The following MAPRE2 variants were observed in gnomAD, a reference collection of about 807,000 sequenced individuals.
MAPRE2 encodes the protein microtubule associated protein RP/EB family member 2, also known as microtubule-associated protein RP/EB family member 2.
A neutral mutation model predicts 43.2 loss-of-function variants in MAPRE2; 13 were observed. That is an observed-to-expected ratio of 0.30 (90% CI 0.20 to 0.48). The LOEUF is 0.48. Among genes scored for constraint, MAPRE2 ranks in the 20% least tolerant of loss-of-function variants. MAPRE2 has a pLI of 0.99. For missense variants in MAPRE2, 161 were observed against 400.2 expected, an observed-to-expected ratio of 0.40 and a Z score of 5.10; for synonymous variants, 135 against 148.8, an observed-to-expected ratio of 0.91 and a Z score of 0.68.
chr18:35,004,910 T>A (rs2097031082), intron 1 of MAPRE2, among the ~76,000 whole-genome samples: 1 of 144,792 alleles, frequency 6.9e-6, no homozygotes, highest in Admixed American at 7.0e-5. Context: ...AGAGCGAGAC[T>A]CCATCTCCAA....
At chr18:35,118,324 G>A (rs943951017) in intron 4 of MAPRE2, among the ~76,000 whole-genome samples, 48 of 152,058 alleles carry the variant, frequency 3.2e-4, no homozygotes, top group Non-Finnish European at 6.6e-4. Flanking sequence ...GAGGGAAACC[G>A]GCTGACTCAG....
At chr18:34,990,312 C>A (rs982304462) in intron 1 of MAPRE2, among the ~76,000 whole-genome samples, 1 of 152,068 alleles carries the variant, frequency 6.6e-6, no homozygotes, top group African/African-American at 2.4e-5. Context: ...AATACTAATA[C>A]CTCTGGGAGG....
At chr18:35,051,599 A>C (rs1318868556) in intron 1 of MAPRE2, among the ~76,000 whole-genome samples, 1 of 152,168 alleles carries the variant, frequency 6.6e-6, no homozygotes, top group Non-Finnish European at 1.5e-5. Context: ...CTCCTTTCCT[A>C]ACCTCCAGGA....
intron 4 of MAPRE2, among the ~76,000 whole-genome samples, chr18:35,102,772 A>G (rs1245667781): frequency 6.6e-6 from 1 of 152,216 alleles, no homozygotes; most frequent in Non-Finnish European, 1.5e-5. Context: ...AAAATATATT[A>G]TAAACATCCT....
intron 4 of MAPRE2, among the ~76,000 whole-genome samples, chr18:35,116,203 T>G (rs1909403504): frequency 6.6e-6 from 1 of 152,146 alleles, no homozygotes; most frequent in Non-Finnish European, 1.5e-5. Flanking sequence ...AATGTATAAG[T>G]AGATGTTAGC....
intron 1 of MAPRE2, among the ~76,000 whole-genome samples, chr18:34,994,572 C>A (rs1222233409): frequency 6.6e-6 from 1 of 152,056 alleles, no homozygotes; most frequent in Non-Finnish European, 1.5e-5. Context: ...GAGGCCGCAT[C>A]CACATGATCC....
chr18:35,043,343 G>A (rs1242549757), intron 1 of MAPRE2, among the ~76,000 whole-genome samples: 1 of 152,178 alleles, frequency 6.6e-6, no homozygotes, highest in Non-Finnish European at 1.5e-5. Context: ...TGTGTAGGTA[G>A]CAGTTGCTTT....
chr18:34,984,791 A>ATATAT (rs371707266), intron 1 of MAPRE2, among the ~76,000 whole-genome samples: 97,906 of 109,166 alleles, frequency 0.9, 44,346 homozygotes, highest in East Asian at 0.98. Flanking sequence ...ATATATAGTT[A>ATATAT]TATATTATAT....
intron 1 of MAPRE2, among the ~76,000 whole-genome samples, chr18:35,054,928 A>G (rs2150608340): frequency 6.6e-6 from 1 of 152,306 alleles, no homozygotes; most frequent in East Asian, 1.9e-4. Context: ...TGAACCAAAG[A>G]GGGGAAATGA....
chr18:35,079,226 C>T (rs1907517114), intron 2 of MAPRE2, among the ~76,000 whole-genome samples: 1 of 152,198 alleles, frequency 6.6e-6, no homozygotes, highest in African/African-American at 2.4e-5. Flanking sequence ...GAGAGAACTA[C>T]ACATCCTTAT....
intron 1 of MAPRE2, among the ~76,000 whole-genome samples, chr18:35,042,388 T>G (rs191544080): frequency 2.0e-3 from 301 of 152,318 alleles, no homozygotes; most frequent in Non-Finnish European, 3.6e-3. Context: ...TCCTGGTCTT[T>G]TGCTGAGGTC....
intron 1 of MAPRE2, among the ~76,000 whole-genome samples, chr18:35,062,994 T>A (rs984792167): frequency 6.6e-6 from 1 of 152,180 alleles, no homozygotes; most frequent in African/African-American, 2.4e-5. Flanking sequence ...GAGATTGTTA[T>A]GAGAGAAAAG....
chr18:35,035,519 A>T (rs966839018), intron 2 of MAPRE2, among the ~76,000 whole-genome samples: 6 of 151,516 alleles, frequency 4.0e-5, no homozygotes, highest in African/African-American at 1.2e-4. Context: ...TAATAAAAAT[A>T]AAAAAAAATT....
chr18:35,073,352 C>G (rs1907201191), intron 2 of MAPRE2, among the ~76,000 whole-genome samples: 1 of 152,088 alleles, frequency 6.6e-6, no homozygotes, highest in Non-Finnish European at 1.5e-5. Flanking sequence ...TTTAAGGCAG[C>G]TAGGACAGTG....
chr18:35,000,930 C>T (rs775291451), intron 1 of MAPRE2, among the ~76,000 whole-genome samples: 1 of 152,060 alleles, frequency 6.6e-6, no homozygotes, highest in Non-Finnish European at 1.5e-5. Context: ...AAAATAGTAC[C>T]ACAAAGGATA....
chr18:34,985,066 A>T lies in MAPRE2; in HGVS notation c.-70+7987A>T, dbSNP rs1568961160. Among the ~76,000 whole-genome samples, 405 of 81,072 alleles carry T rather than the reference A, an allele frequency of 5.0e-3. 3 individuals are homozygous for T. Among genetic ancestry groups the T allele is most frequent in the African/African-American group, 0.013 (241 of 18,916 alleles). 53.2% of individuals were successfully genotyped at this position (81,072 alleles called of 152,430 possible). On this transcript the variant is annotated intron_variant, in intron 1 of 7. Coordinates refer to the MAPRE2 transcript ENST00000413393. ...TATAAAATATATTATATAATATATA[A>T]AATAAAATATATTATAAAAATATAT... is the stretch of plus-strand genomic sequence containing the variant.
At chr18:34,983,260 G>A (rs2150570013) in intron 1 of MAPRE2, among the ~76,000 whole-genome samples, 1 of 152,260 alleles carries the variant, frequency 6.6e-6, no homozygotes, top group African/African-American at 2.4e-5. Context: ...TTCTTCTTGT[G>A]TATGTACTTT....
At position 35,097,516 on chromosome 18, in the gene MAPRE2, A is replaced by G. The variant is rs1194203943; in HGVS notation, c.321A>G (p.Gln107=). The G allele has an allele frequency of 1.2e-6, 2 of 1,613,940 alleles. No homozygotes were observed. The highest frequency in any genetic ancestry group is 1.7e-6 in the Non-Finnish European group (2 of 1,179,840). The part of the protein sequence containing the change: ...GCISLKKVKF[Q]AKLEHEYIHN... ...TTAGTTTGAAGAAAGTAAAATTTCAAGCAAAGCTGGAACATGAATATATTC... is the reference window on the plus strand; with the variant it reads ...TTAGTTTGAAGAAAGTAAAATTTCAGGCAAAGCTGGAACATGAATATATTC... Residue 107 remains glutamine (Q), a synonymous_variant, in exon 3 of 7, where the codon CAA becomes CAG. Transcript: ENST00000300249.
intron 1 of MAPRE2, among the ~76,000 whole-genome samples, chr18:35,046,429 G>T (rs1281664743): frequency 1.3e-5 from 2 of 152,210 alleles, no homozygotes; most frequent in African/African-American, 4.8e-5. Context: ...GAAGCTAAAA[G>T]ACACTGAGAG....
Sources: allele counts gnomAD v4.1 joint callset (sites outside exome capture counted in the v4.1 genomes callset), GRCh38; gene constraint gnomAD v4.1.1; transcripts MANE v1.5; gene names NCBI Gene and HGNC (gene_info 2026-07-23, HGNC 2026-07-21).